The following MCTP1 variants were observed in gnomAD, a reference collection of about 807,000 sequenced individuals.
MCTP1 encodes multiple C2 and transmembrane domain-containing protein 1.
Under a neutral mutation model 120.6 loss-of-function variants are expected in MCTP1, and 69 were observed. The ratio of observed to expected loss-of-function variants is 0.57; its 90% CI spans 0.47 to 0.70. MCTP1 has a LOEUF of 0.70. MCTP1 is among the 30% of genes least tolerant of loss of function. The pLI, the probability that MCTP1 is intolerant of heterozygous loss-of-function variation, is 0.00. For synonymous variants in MCTP1, 529 were observed against 493.1 expected, an observed-to-expected ratio of 1.07 and a Z score of -0.96; for missense variants, 1,203 against 1,248.8, an observed-to-expected ratio of 0.96 and a Z score of 0.55.
chr5:94,909,606 G>A (rs919939710), intron 9 of MCTP1, among the ~76,000 whole-genome samples: 1 of 151,940 alleles, frequency 6.6e-6, no homozygotes, highest in Admixed American at 6.6e-5. Flanking sequence ...AAAATCACAA[G>A]ACATTCTTTG....
chr5:94,715,138 C>CTGA (rs1758614286), intron 19 of MCTP1, among the ~76,000 whole-genome samples: 1 of 151,810 alleles, frequency 6.6e-6, no homozygotes, highest in Admixed American at 6.6e-5. Flanking sequence ...TGCTCTTGCC[C>CTGA]TGATGAGCAG....
intron 1 of MCTP1, among the ~76,000 whole-genome samples, chr5:95,076,519 G>A (rs746988245): frequency 6.6e-6 from 1 of 151,436 alleles, no homozygotes; most frequent in South Asian, 2.1e-4. Context: ...ATATGAGAAC[G>A]AGTCCTTCAT....
intron 2 of MCTP1, among the ~76,000 whole-genome samples, chr5:95,001,995 A>C (rs1454065069): frequency 6.6e-6 from 1 of 152,178 alleles, no homozygotes. Context: ...GCCTTGGGAC[A>C]TGGTACCCTG....
At chr5:95,027,384 A>G (rs1839454973) in intron 1 of MCTP1, among the ~76,000 whole-genome samples, 1 of 152,230 alleles carries the variant, frequency 6.6e-6, no homozygotes, top group African/African-American at 2.4e-5. Context: ...CCAGGTTGTT[A>G]TTTAGCAGAG....
chr5:94,829,330 G>A (rs778161218), intron 17 of MCTP1, among the ~76,000 whole-genome samples: 10 of 152,030 alleles, frequency 6.6e-5, no homozygotes, highest in East Asian at 1.9e-4. Flanking sequence ...GAGATGAACC[G>A]GGTACCTCAT....
intron 19 of MCTP1, among the ~76,000 whole-genome samples, chr5:94,770,820 A>G (rs1773882833): frequency 6.6e-6 from 1 of 152,216 alleles, no homozygotes; most frequent in African/African-American, 2.4e-5. Flanking sequence ...TCAAAAGATG[A>G]TTGCAACACA....
intron 12 of MCTP1, among the ~76,000 whole-genome samples, chr5:94,876,099 G>A (rs968068329): frequency 1.3e-5 from 2 of 152,096 alleles, no homozygotes; most frequent in Non-Finnish European, 1.5e-5. Flanking sequence ...GACTATAGTT[G>A]TATTTTTAAA....
intron 2 of MCTP1, among the ~76,000 whole-genome samples, chr5:94,988,443 T>G (rs926406309): frequency 1.3e-5 from 2 of 152,190 alleles, no homozygotes; most frequent in Non-Finnish European, 2.9e-5. Flanking sequence ...ATTCAAAGAC[T>G]GCTACCTCAG....
At chr5:94,713,918 T>TAACA (rs142144823) in intron 20 of MCTP1, among the ~76,000 whole-genome samples, 6 of 152,170 alleles carry the variant, frequency 3.9e-5, no homozygotes, top group Non-Finnish European at 4.4e-5. Context: ...TGGCTATGAA[T>TAACA]AACAAACAAT....
chr5:94,934,496 G>T (rs1372559944), intron 5 of MCTP1, among the ~76,000 whole-genome samples: 1 of 151,736 alleles, frequency 6.6e-6, no homozygotes, highest in African/African-American at 2.4e-5. Flanking sequence ...AGCTGCAGAA[G>T]TAATTGTTTT....
rs79137263 is a variant in MCTP1 at position 94,886,906 on chromosome 5, C to A, written c.1933+1973G>T. On this transcript the variant is annotated intron_variant, in intron 12 of 22. Coordinates refer to ENST00000515393, the MANE Select transcript of MCTP1 (RefSeq NM_024717.7). ...GTGTGTATATATAAAGTATCCTTTT[C>A]AAAAGTAAAAATTATTTTTAAAATT... 4.3e-3 allele frequency among the ~76,000 whole-genome samples: 651 copies of A among 152,190 alleles called. 7 individuals carry two copies. Among genetic ancestry groups the A allele is most frequent in the African/African-American group, 0.015 (608 of 41,540 alleles).
intron 1 of MCTP1, among the ~76,000 whole-genome samples, chr5:95,227,237 A>G (rs1754384851): frequency 6.6e-6 from 1 of 152,148 alleles, no homozygotes; most frequent in Non-Finnish European, 1.5e-5. Flanking sequence ...CCTTATTCCC[A>G]ATCCCCCCGA....
intron 17 of MCTP1, among the ~76,000 whole-genome samples, chr5:94,850,134 C>T (rs771704705): frequency 3.4e-4 from 52 of 152,148 alleles, no homozygotes; most frequent in Admixed American, 6.5e-4. Flanking sequence ...AAAATAAATC[C>T]GAATGGCTGT....
intron 1 of MCTP1, among the ~76,000 whole-genome samples, chr5:95,067,007 T>C (rs1363359589): frequency 1.3e-5 from 2 of 152,058 alleles, no homozygotes; most frequent in Non-Finnish European, 2.9e-5. Flanking sequence ...TAATTCTCTC[T>C]CACTGACCAT....
chr5:95,129,487 C>G (rs994004510), intron 1 of MCTP1, among the ~76,000 whole-genome samples: 1 of 152,210 alleles, frequency 6.6e-6, no homozygotes, highest in Admixed American at 6.5e-5. Context: ...GTCAACTTGA[C>G]AGGGCTAACG....
chr5:94,891,715 G>A (rs988487934), intron 11 of MCTP1, among the ~76,000 whole-genome samples: 1 of 150,418 alleles, frequency 6.6e-6, no homozygotes, highest in Non-Finnish European at 1.5e-5. Flanking sequence ...CAACGGTTTA[G>A]GCCAGTGACA....
At chr5:94,825,040 C>T (rs1214458357) in intron 17 of MCTP1, among the ~76,000 whole-genome samples, 1 of 152,176 alleles carries the variant, frequency 6.6e-6, no homozygotes, top group Admixed American at 6.5e-5. Context: ...CTATCTCCTG[C>T]AGTTCTGCTC....
intron 12 of MCTP1, among the ~76,000 whole-genome samples, chr5:94,880,615 A>G (rs1425312794): frequency 6.6e-6 from 1 of 152,118 alleles, no homozygotes. Context: ...CTGCTACAGT[A>G]TCTTAGAATC....
At chr5:94,799,247 T>C (rs1000597976) in intron 17 of MCTP1, 115 bp from the exon 18 acceptor site, 2 of 937,518 alleles carry the variant, frequency 2.1e-6, no homozygotes, top group African/African-American at 1.7e-5. Flanking sequence ...AACAGGAAGA[T>C]TTATCTTGAA....
Sources: gnomAD v4.1 joint callset for allele counts (sites outside exome capture counted in the v4.1 genomes callset) on GRCh38, gnomAD v4.1.1 for gene constraint, MANE v1.5 for transcripts, NCBI Gene and HGNC (gene_info 2026-07-23, HGNC 2026-07-21) for gene names.